HDLBP: variants seen among roughly 807,000 people sequenced by gnomAD.
The protein encoded by HDLBP is high density lipoprotein binding protein.
A neutral mutation model predicts 137.3 loss-of-function variants in HDLBP; 30 were observed. The observed-to-expected ratio is 0.22, with a 90% CI of 0.16 to 0.30. The LOEUF is 0.30. HDLBP is among the 10% of genes least tolerant of loss of function. The pLI, the probability that HDLBP is intolerant of heterozygous loss-of-function variation, is 1.00. For missense variants in HDLBP, 1,119 were observed against 1,667.3 expected (o/e 0.67, Z 5.73); for synonymous variants, 606 against 596.0 (o/e 1.02, Z -0.24).
intron 1 of HDLBP, among the ~76,000 whole-genome samples, chr2:241,269,831 G>A (rs1028993006): frequency 2.0e-5 from 3 of 152,134 alleles, no homozygotes; most frequent in African/African-American, 7.2e-5. Flanking sequence ...CCAGGCTAAG[G>A]TGCCCCAACA....
At chr2:241,235,353 C>T (rs929320418) in intron 22 of HDLBP, 98 bp from the exon 23 acceptor site, 2 of 1,562,158 alleles carry the variant, frequency 1.3e-6, no homozygotes, top group East Asian at 2.2e-5. Flanking sequence ...GGAAGGCCAC[C>T]CGCCGTGAAG....
chr2:241,260,160 C>A (rs182329727), intron 5 of HDLBP, among the ~76,000 whole-genome samples: 11 of 152,128 alleles, frequency 7.2e-5, no homozygotes, highest in Admixed American at 6.5e-4. Context: ...CCCACCGCCA[C>A]GCCTGGCTAA....
At chr2:241,309,296 C>T (rs947748549) in intron 1 of HDLBP, among the ~76,000 whole-genome samples, 17 of 152,202 alleles carry the variant, frequency 1.1e-4, no homozygotes, top group Non-Finnish European at 1.9e-4. Flanking sequence ...TGCAGGAGAA[C>T]ACACTTGCAT....
intron 11 of HDLBP, 38 bp downstream of exon 11, chr2:241,252,919 G>C: frequency 6.9e-7 from 1 of 1,452,600 alleles, no homozygotes; most frequent in South Asian, 1.2e-5. Context: ...AGGGTCTCAG[G>C]GCACACTGGC....
At chr2:241,312,876 T>C (rs2075794894) in intron 1 of HDLBP, among the ~76,000 whole-genome samples, 1 of 152,352 alleles carries the variant, frequency 6.6e-6, no homozygotes, top group African/African-American at 2.4e-5. Context: ...TCAAATTCTG[T>C]TCAGGTCAGA....
intron 12 of HDLBP, chr2:241,249,375 C>CA (rs1264768557): frequency 4.2e-6 from 2 of 471,990 alleles, no homozygotes; most frequent in Non-Finnish European, 8.8e-6. Flanking sequence ...AGGGTGCTCA[C>CA]AGCTTGGCAT....
At chr2:241,273,020 T>C in intron 1 of HDLBP, 1 of 984,314 alleles carries the variant, frequency 1.0e-6, no homozygotes, top group Non-Finnish European at 1.2e-6. Context: ...TGCCGAGGAG[T>C]TGGGAAATTA....
chr2:241,241,197 A>G (rs2071176747), intron 17 of HDLBP, among the ~76,000 whole-genome samples: 1 of 152,176 alleles, frequency 6.6e-6, no homozygotes, highest in Non-Finnish European at 1.5e-5. Flanking sequence ...AAAAAAGACA[A>G]GAAATACAAG....
At chr2:241,255,212 G>A (rs1247334939) in intron 8 of HDLBP, 54 bp from the exon 9 acceptor site, 2 of 1,556,438 alleles carry the variant, frequency 1.3e-6, no homozygotes, top group East Asian at 2.2e-5. Context: ...TCGTGTCACA[G>A]TGAAAGCCAG....
Position 241,236,642 on chromosome 2 carries a change from C to G in HDLBP, c.2877G>C (p.Lys959Asn). The G allele has an allele frequency of 6.2e-7, 1 of 1,614,152 alleles. No homozygotes were observed. Among genetic ancestry groups the G allele is most frequent in the Non-Finnish European group, 8.5e-7 (1 of 1,180,018 alleles). Residue 959 changes from lysine (K) to asparagine (N), a missense_variant, in exon 21 of 28, where the codon AAG becomes AAC. Physicochemically the swap from Lys to Asn is moderately conservative, Grantham distance 94. Coordinates refer to ENST00000310931, the MANE Select transcript of HDLBP (RefSeq NM_005336.6). ...DIIIISGRKE[K>N]CEAAKEALEA... Reference sequence around the variant, plus strand: ...CCAGAGCTTCCTTGGCAGCCTCACACTTTTCTTTCCGGCCAGAGATGATGA... The same window carrying G: ...CCAGAGCTTCCTTGGCAGCCTCACAGTTTTCTTTCCGGCCAGAGATGATGA...
intron 1 of HDLBP, among the ~76,000 whole-genome samples, chr2:241,313,466 GAC>G (rs1451514139): frequency 1.3e-5 from 2 of 152,088 alleles, no homozygotes; most frequent in Non-Finnish European, 2.9e-5. Context: ...TTTTAGTAGA[GAC>G]AGGGTTTCAC....
chr2:241,242,469 C>T lies in HDLBP; in HGVS notation c.2160G>A (p.Ala720=), dbSNP rs774976967. ...EKAKKQLLHL[A]EEKQTKSFTV... ...CCCTCCCCATGCTCACCTTCTCCTCCGCCAGATGCAGGAGCTGCTTCTTGG... is the reference window on the plus strand; with the variant it reads ...CCCTCCCCATGCTCACCTTCTCCTCTGCCAGATGCAGGAGCTGCTTCTTGG... Residue 720 remains alanine (A), a synonymous_variant, in exon 17 of 28, where the codon GCG becomes GCA. Transcript: ENST00000310931. 4.0e-5 allele frequency: 64 copies of T among 1,613,552 alleles called. No individual in the cohort carries two copies. Among genetic ancestry groups the T allele is most frequent in the South Asian group, 1.2e-4 (11 of 91,052 alleles).
intron 20 of HDLBP, among the ~76,000 whole-genome samples, chr2:241,237,962 A>C (rs1427486022): frequency 1.3e-5 from 2 of 152,230 alleles, no homozygotes; most frequent in Non-Finnish European, 2.9e-5. Flanking sequence ...CAGAGAGATG[A>C]CACTATGTGC....
chr2:241,256,573 G>T (rs905583787), intron 6 of HDLBP, 27 bp downstream of exon 6: 3 of 1,607,838 alleles, frequency 1.9e-6, no homozygotes, highest in East Asian at 4.5e-5. Flanking sequence ...GGTAGGCAGG[G>T]GCACGAGGCA....
chr2:241,304,754 G>C (rs1237556598), intron 1 of HDLBP, among the ~76,000 whole-genome samples: 1 of 152,242 alleles, frequency 6.6e-6, no homozygotes, highest in Non-Finnish European at 1.5e-5. Context: ...AGAAAGTGCT[G>C]TGTGGGCAGG....
intron 1 of HDLBP, among the ~76,000 whole-genome samples, chr2:241,281,993 AAT>A (rs1205043516): frequency 6.6e-6 from 1 of 152,220 alleles, no homozygotes; most frequent in East Asian, 1.9e-4. Flanking sequence ...TTAAGGAAAA[AAT>A]ATTTTATTAC....
chr2:241,235,529 C>G lies in HDLBP; in HGVS notation c.2970G>C (p.Gln990His). 1 of 1,614,148 alleles carries G rather than the reference C, an allele frequency of 6.2e-7. No homozygotes were observed. Among genetic ancestry groups the G allele is most frequent in the Non-Finnish European group, 8.5e-7 (1 of 1,180,010 alleles). The change falls in exon 22 of 28, where the codon CAG (glutamine) becomes CAC (histidine). Residue 990 changes from glutamine (Q) to histidine (H), a missense_variant. Transcript: ENST00000310931. ...PFDLHRYVIG[Q>H]KGSGIRKMMD... ...TCATCTTGCGGATCCCACTTCCTTT[C>G]TGCCCAATAACGTAACGGTGAAGGT...
intron 5 of HDLBP, among the ~76,000 whole-genome samples, chr2:241,259,072 G>A (rs2072944400): frequency 6.6e-6 from 1 of 152,200 alleles, no homozygotes; most frequent in African/African-American, 2.4e-5. Context: ...CTACCCAAAT[G>A]CCCATCAGTA....
At chr2:241,260,154 C>T (rs1217457111) in intron 5 of HDLBP, among the ~76,000 whole-genome samples, 1 of 152,154 alleles carries the variant, frequency 6.6e-6, no homozygotes, top group Admixed American at 6.5e-5. Context: ...CAAGCACCCA[C>T]CGCCACGCCT....
Sources: allele counts gnomAD v4.1 joint callset (sites outside exome capture counted in the v4.1 genomes callset), GRCh38; gene constraint gnomAD v4.1.1; transcripts MANE v1.5; gene names NCBI Gene and HGNC (gene_info 2026-07-23, HGNC 2026-07-21).